Variants in PTPRN2 observed in about 807,000 individuals in gnomAD.
PTPRN2 encodes protein tyrosine phosphatase receptor type N2.
PTPRN2 carries 74 observed loss-of-function variants against 118.8 expected under a neutral mutation model. The observed-to-expected ratio is 0.62, with a 90% CI of 0.52 to 0.76. The LOEUF is 0.76. Among genes scored for constraint, PTPRN2 ranks in the 30% least tolerant of loss-of-function variants. The pLI, the probability that PTPRN2 is intolerant of heterozygous loss-of-function variation, is 0.00. For synonymous variants in PTPRN2, 641 were observed against 608.0 expected, an observed-to-expected ratio of 1.05 and a Z score of -0.80; for missense variants, 1,481 against 1,394.4, an observed-to-expected ratio of 1.06 and a Z score of -0.99.
intron 3 of PTPRN2, among the ~76,000 whole-genome samples, chr7:158,248,696 GCA>G (rs1796419581): frequency 7.0e-6 from 1 of 143,852 alleles, no homozygotes; most frequent in Admixed American, 7.1e-5. Context: ...CCACACACGT[GCA>G]CACACGCCAC....
At chr7:158,177,953 G>A (rs995474757) in intron 5 of PTPRN2, among the ~76,000 whole-genome samples, 4 of 152,166 alleles carry the variant, frequency 2.6e-5, no homozygotes, top group East Asian at 3.9e-4. Context: ...TTTCCAAATC[G>A]TTGTTAATGT....
At chr7:157,594,566 C>T (rs1195151948) in intron 17 of PTPRN2, among the ~76,000 whole-genome samples, 5 of 152,226 alleles carry the variant, frequency 3.3e-5, no homozygotes, top group South Asian at 2.1e-4. Context: ...CTGCCAGGCT[C>T]GGGGTTGGCT....
rs1554561530 is a variant in PTPRN2 at position 158,152,191 on chromosome 7, A to AAAAAAAT, written c.911-13677_911-13676insATTTTTT. On this transcript the variant is annotated intron_variant, in intron 6 of 22. Transcript: ENST00000389418. ...TCTGTCTCAAAAAAAAAAAAAAAAA[A>AAAAAAAT]CCATGAATGCACAGAATATGTGGTG... Among the ~76,000 whole-genome samples, 911 of 145,162 alleles carry AAAAAAAT rather than the reference A, an allele frequency of 6.3e-3. 22 individuals carry two copies. The highest frequency in any genetic ancestry group is 9.3e-3 in the Non-Finnish European group (615 of 65,804).
In PTPRN2 at chr7:157,791,552, TGCCCCCCCTCCCTGCACCC is replaced by T. The variant is rs555436981; in HGVS notation, c.1788+107102_1788+107120del. 1.4e-3 allele frequency among the ~76,000 whole-genome samples: 144 copies of T among 103,818 alleles called. 3 individuals are homozygous for T. Among genetic ancestry groups the T allele is most frequent in the South Asian group, 0.012 (34 of 2,952 alleles). 68.1% of individuals were successfully genotyped at this position (103,818 alleles called of 152,430 possible). ...CCCGCCCCCGCTCCCTGCACCCACC[TGCCCCCCCTCCCTGCACCC>T]GCCCCCCCTCCCTGCACCCACCTGC... On this transcript the variant is annotated intron_variant, in intron 12 of 22. Transcript: ENST00000389418.
intron 17 of PTPRN2, among the ~76,000 whole-genome samples, chr7:157,578,625 AATTTC>A (rs1272197100): frequency 6.6e-6 from 1 of 152,242 alleles, no homozygotes; most frequent in Non-Finnish European, 1.5e-5. Context: ...GCACTGCTGC[AATTTC>A]ATTTGTTTAT....
chr7:158,071,282 G>A (rs369497740), intron 11 of PTPRN2, among the ~76,000 whole-genome samples: 21 of 58,100 alleles, frequency 3.6e-4, no homozygotes, highest in Non-Finnish European at 5.4e-4. Context: ...AGGTGCCCGT[G>A]GTGGTGGAGG....
In PTPRN2 at chr7:157,773,389, T is replaced by TA. The variant is rs1348603623; in HGVS notation, c.1789-90453dup. On this transcript the variant is annotated intron_variant, in intron 12 of 22. Transcript: ENST00000389418. ...CCTCCAGGAGATGAAAACCTGTTCT[T>TA]ACAATGCGTGGGACTCTTACCCTGA... Among the ~76,000 whole-genome samples, 6 of 152,318 alleles carry TA rather than the reference T, an allele frequency of 3.9e-5. No individual in the cohort carries two copies. In the East Asian group the frequency reaches 1.2e-3, roughly 29 times the overall value.
intron 11 of PTPRN2, among the ~76,000 whole-genome samples, chr7:157,899,606 A>G (rs755997786): frequency 6.6e-5 from 10 of 152,214 alleles, no homozygotes; most frequent in Non-Finnish European, 8.8e-5. Flanking sequence ...ATAGCAGGAA[A>G]ATATCAATTA....
At chr7:157,836,416 TTGAA>T (rs1233466169) in intron 12 of PTPRN2, among the ~76,000 whole-genome samples, 1 of 152,170 alleles carries the variant, frequency 6.6e-6, no homozygotes, top group Non-Finnish European at 1.5e-5. Flanking sequence ...GCCACATAGA[TTGAA>T]TGTATGCCCA....
At chr7:157,769,010 C>T (rs367921528) in intron 12 of PTPRN2, among the ~76,000 whole-genome samples, 32 of 152,276 alleles carry the variant, frequency 2.1e-4, no homozygotes, top group African/African-American at 3.4e-4. Context: ...TCAGGTTGCA[C>T]GTGCCAGTCA....
rs577915552 is a variant in PTPRN2 at position 157,874,519 on chromosome 7, C to A, written c.1788+24154G>T. 6.6e-6 allele frequency among the ~76,000 whole-genome samples: 1 copy of A among 152,192 alleles called. No homozygotes were observed. The highest frequency in any genetic ancestry group is 1.5e-5 in the Non-Finnish European group (1 of 68,032). Reference sequence around the variant, plus strand: ...AAGGAAGTTCATGTCCCCCTTAACTCGAGCTTTTATTTCAGTGAAGCTTCG... The same window carrying A: ...AAGGAAGTTCATGTCCCCCTTAACTAGAGCTTTTATTTCAGTGAAGCTTCG... On this transcript the variant is annotated intron_variant, in intron 12 of 22. Transcript: ENST00000389418. The surrounding 1 kb of genome is among the most constrained non-coding windows in gnomAD (Gnocchi z 5.8).
intron 1 of PTPRN2, 48 bp from the exon 2 acceptor site, chr7:158,489,833 G>A (rs917643777): frequency 6.5e-7 from 1 of 1,529,382 alleles, no homozygotes; most frequent in South Asian, 1.2e-5. Context: ...GGGAGGAGGG[G>A]GGTGCCCCCG....
intron 3 of PTPRN2, among the ~76,000 whole-genome samples, chr7:158,296,797 T>C (rs532883221): frequency 6.6e-5 from 10 of 152,204 alleles, no homozygotes; most frequent in Non-Finnish European, 1.3e-4. Flanking sequence ...CCCACTCTCT[T>C]CTGGGTGGCA....
intron 2 of PTPRN2, among the ~76,000 whole-genome samples, chr7:158,485,285 C>A (rs1820926218): frequency 6.6e-6 from 1 of 152,088 alleles, no homozygotes; most frequent in Non-Finnish European, 1.5e-5. Context: ...ATTTCCGCCC[C>A]TGGGCTCCAG....
intron 22 of PTPRN2, among the ~76,000 whole-genome samples, chr7:157,545,193 G>T (rs1393142736): frequency 1.3e-5 from 2 of 150,302 alleles, no homozygotes; most frequent in Non-Finnish European, 3.0e-5. Context: ...GTGGGTGTCT[G>T]TGGGTGTGTG....
chr7:157,802,314 G>C (rs965885967), intron 12 of PTPRN2, among the ~76,000 whole-genome samples: 1 of 152,170 alleles, frequency 6.6e-6, no homozygotes, highest in African/African-American at 2.4e-5. Context: ...TAGATTCCAC[G>C]CTTCAGCGAC....
In PTPRN2 at chr7:157,953,500, C is replaced by A. The variant is rs1213852715; in HGVS notation, c.1724-54763G>T. The stretch of plus-strand genomic sequence containing the variant: ...TGCCCACCTTCTTCACACCATGAGG[C>A]TGCTGGCACGGGTGCCTTTGCTGCC... On this transcript the variant is annotated intron_variant, in intron 11 of 22. Transcript: ENST00000389418. This position sits in a 1 kb window ranked among gnomAD's most constrained non-coding sequence, Gnocchi z 4.6. 6.6e-6 allele frequency among the ~76,000 whole-genome samples: 1 copy of A among 152,200 alleles called. No individual in the cohort carries two copies.
Position 157,787,605 on chromosome 7 carries a change from G to C in PTPRN2, c.1789-104668C>G, listed in dbSNP as rs79350159. ...CACAGAGAGAGAGGCAGAGGAGAGT[G>C]GCCGTGACCTGGAGGACAAGGACAT... On this transcript the variant is annotated intron_variant, in intron 12 of 22. Coordinates refer to ENST00000389418, the MANE Select transcript of PTPRN2 (RefSeq NM_002847.5). This position sits in a 1 kb window ranked among gnomAD's most constrained non-coding sequence, Gnocchi z 5.3. Among the ~76,000 whole-genome samples the C allele has an allele frequency of 6.6e-6, 1 of 152,118 alleles. No homozygotes were observed. The highest frequency in any genetic ancestry group is 1.5e-5 in the Non-Finnish European group (1 of 68,008).
chr7:157,771,901 AAC>A (rs1218121824), intron 12 of PTPRN2, among the ~76,000 whole-genome samples: 5 of 149,870 alleles, frequency 3.3e-5, no homozygotes, highest in Admixed American at 6.6e-5. Context: ...CACAGACACA[AAC>A]ACACACAGAC....
Sources: allele counts gnomAD v4.1 joint callset (sites outside exome capture counted in the v4.1 genomes callset), GRCh38; gene constraint gnomAD v4.1.1; non-coding constraint Gnocchi (gnomAD v3.1); transcripts MANE v1.5; gene names NCBI Gene and HGNC (gene_info 2026-07-23, HGNC 2026-07-21).